The following PSD3 variants were observed in gnomAD, a reference collection of about 807,000 sequenced individuals.
The protein encoded by PSD3 is pleckstrin and Sec7 domain containing 3, also known as PH and SEC7 domain-containing protein 3.
Under a neutral mutation model 105.5 loss-of-function variants are expected in PSD3, and 49 were observed. The ratio of observed to expected loss-of-function variants is 0.46; its 90% CI spans 0.37 to 0.59. The LOEUF (loss-of-function observed/expected upper bound fraction) is 0.59. Ranked by LOEUF, PSD3 falls within the 20% of genes least tolerant of loss-of-function variation. PSD3 has a pLI of 0.00. For synonymous variants in PSD3, 557 were observed against 457.8 expected (o/e 1.22, Z -2.77); for missense variants, 1,561 against 1,263.8 (o/e 1.24, Z -3.57).
chr8:18,967,895 G>A (rs979002604), intron 1 of PSD3, among the ~76,000 whole-genome samples: 4 of 152,240 alleles, frequency 2.6e-5, no homozygotes, highest in Middle Eastern at 3.4e-3. Context: ...ATTGGGTATC[G>A]AGGGCCCATT....
Position 18,916,597 on chromosome 8 carries a change from G to T in PSD3, c.130+19437C>A, listed in dbSNP as rs1196414003. Among the ~76,000 whole-genome samples, 3 of 151,520 alleles carry T rather than the reference G, an allele frequency of 2.0e-5. No homozygotes were observed. The Admixed American group carries it at 2.0e-4, about 10-fold the overall frequency. The stretch of plus-strand genomic sequence containing the variant: ...GGGCTACAGCAGGGAGGAGGATGAG[G>T]AGGTGTTGGTCAAATGGAACAAAAT... On this transcript the variant is annotated intron_variant, in intron 2 of 15. Transcript: ENST00000327040.
intron 15 of PSD3, among the ~76,000 whole-genome samples, chr8:18,540,844 G>C (rs1412458044): frequency 6.6e-6 from 1 of 152,068 alleles, no homozygotes; most frequent in Non-Finnish European, 1.5e-5. Context: ...AAATGCCCTA[G>C]AAAACCCATG....
intron 1 of PSD3, among the ~76,000 whole-genome samples, chr8:18,941,835 G>A (rs1472912194): frequency 6.9e-6 from 1 of 144,102 alleles, no homozygotes; most frequent in East Asian, 2.0e-4. Flanking sequence ...ACCATGCCTG[G>A]CTAATTTTTG....
chr8:18,745,508 C>A (rs1804935478), intron 9 of PSD3, among the ~76,000 whole-genome samples: 1 of 152,196 alleles, frequency 6.6e-6, no homozygotes, highest in Non-Finnish European at 1.5e-5. Context: ...CCACCCTCTT[C>A]TTTTGAGCAC....
chr8:18,608,547 A>G (rs998701450), intron 11 of PSD3, among the ~76,000 whole-genome samples: 4 of 152,222 alleles, frequency 2.6e-5, no homozygotes, highest in African/African-American at 9.6e-5. Flanking sequence ...CAAACCAGTT[A>G]TTATTTTCTC....
chr8:18,786,239 G>C (rs1410643280), intron 8 of PSD3, among the ~76,000 whole-genome samples: 1 of 151,980 alleles, frequency 6.6e-6, no homozygotes, highest in African/African-American at 2.4e-5. Context: ...TTGAAGAAGA[G>C]ATACTATTTA....
chr8:18,711,928 C>G (rs910293986), intron 9 of PSD3, among the ~76,000 whole-genome samples: 1 of 152,140 alleles, frequency 6.6e-6, no homozygotes, highest in Non-Finnish European at 1.5e-5. Flanking sequence ...ATAATAGTCT[C>G]TCGGACCACA....
At chr8:18,825,464 A>G (rs1163426565) in intron 4 of PSD3, among the ~76,000 whole-genome samples, 1 of 152,260 alleles carries the variant, frequency 6.6e-6, no homozygotes. Context: ...TCCACTGGCT[A>G]TAAGCATCCT....
At position 18,535,493 on chromosome 8, in the gene PSD3, G is replaced by T; in HGVS notation, c.*250C>A. The T allele has an allele frequency of 2.0e-6, 1 of 498,412 alleles. No individual in the cohort carries two copies. Among genetic ancestry groups the T allele is most frequent in the Non-Finnish European group, 3.6e-6 (1 of 278,742 alleles). 30.9% of individuals were successfully genotyped at this position (498,412 alleles called of 1,614,324 possible). The stretch of plus-strand genomic sequence containing the variant: ...AGAGAAGGGATACATAATTCATTCT[G>T]AAATCACGATCCCCTCCTCCTCACA... On this transcript the variant is annotated 3_prime_UTR_variant, in exon 16 of 16. Transcript: ENST00000327040.
intron 8 of PSD3, among the ~76,000 whole-genome samples, chr8:18,798,060 G>A (rs1230107047): frequency 6.6e-6 from 1 of 152,154 alleles, no homozygotes; most frequent in Non-Finnish European, 1.5e-5. Flanking sequence ...AAGTGGTCAT[G>A]ACAATCCACT....
intron 15 of PSD3, among the ~76,000 whole-genome samples, chr8:18,542,774 T>C (rs767251676): frequency 1.3e-5 from 2 of 152,216 alleles, no homozygotes; most frequent in Non-Finnish European, 2.9e-5. Context: ...GTCTTCATAA[T>C]GTAGCCCTTT....
At chr8:18,953,836 A>C (rs1167967210) in intron 1 of PSD3, among the ~76,000 whole-genome samples, 1 of 152,230 alleles carries the variant, frequency 6.6e-6, no homozygotes. Flanking sequence ...AAACTCGCAT[A>C]TACTGACATG....
chr8:18,668,958 C>T (rs1261230245), intron 9 of PSD3, among the ~76,000 whole-genome samples: 1 of 152,196 alleles, frequency 6.6e-6, no homozygotes, highest in East Asian at 1.9e-4. Flanking sequence ...AATGTTTTCA[C>T]AGGGAAAGAT....
At chr8:18,846,560 G>C (rs946082787) in intron 4 of PSD3, among the ~76,000 whole-genome samples, 1 of 152,178 alleles carries the variant, frequency 6.6e-6, no homozygotes, top group Non-Finnish European at 1.5e-5. Context: ...CTGGCAGAGA[G>C]GGTCACGGAC....
intron 1 of PSD3, among the ~76,000 whole-genome samples, chr8:18,959,321 A>G (rs1413409063): frequency 6.6e-6 from 1 of 152,132 alleles, no homozygotes; most frequent in Admixed American, 6.5e-5. Context: ...CGAACATCCA[A>G]AGCCAGAAGA....
intron 7 of PSD3, among the ~76,000 whole-genome samples, chr8:18,799,952 A>G (rs1197173136): frequency 6.6e-6 from 1 of 152,206 alleles, no homozygotes; most frequent in Non-Finnish European, 1.5e-5. Flanking sequence ...GCACTCATAA[A>G]TTAAAGCCAG....
chr8:18,560,177 C>CAA (rs1801310532), intron 14 of PSD3, among the ~76,000 whole-genome samples: 1 of 25,152 alleles, frequency 4.0e-5, no homozygotes, highest in African/African-American at 5.8e-5. Flanking sequence ...ACACATTTTA[C>CAA]ACACACACAC....
chr8:18,826,941 T>C (rs1813239669), intron 4 of PSD3, among the ~76,000 whole-genome samples: 1 of 152,184 alleles, frequency 6.6e-6, no homozygotes, highest in South Asian at 2.1e-4. Flanking sequence ...ACCAAAGTGA[T>C]ATGAATGGTA....
intron 4 of PSD3, among the ~76,000 whole-genome samples, chr8:18,848,408 G>A (rs775389891): frequency 1.6e-4 from 24 of 152,182 alleles, no homozygotes; most frequent in Non-Finnish European, 3.1e-4. Flanking sequence ...TGCCAGAGCT[G>A]GTCCCCTGGT....
Sources: gnomAD v4.1 joint callset for allele counts (sites outside exome capture counted in the v4.1 genomes callset) on GRCh38, gnomAD v4.1.1 for gene constraint, MANE v1.5 for transcripts, NCBI Gene and HGNC (gene_info 2026-07-23, HGNC 2026-07-21) for gene names.